The following WDR83 variants were observed in gnomAD, a reference collection of about 807,000 sequenced individuals.
WDR83 encodes the protein WD repeat domain-containing protein 83.
WDR83 carries 37 observed loss-of-function variants against 37.7 expected under a neutral mutation model. The observed-to-expected ratio is 0.98, with a 90% CI of 0.76 to 1.29. The LOEUF (loss-of-function observed/expected upper bound fraction) is 1.29, where lower values mean the gene tolerates loss of function less well. Ranked by LOEUF, WDR83 falls within the 50% of genes most tolerant of loss-of-function variation. The pLI is 0.00. For missense variants in WDR83, 445 were observed against 414.4 expected (o/e 1.07, Z -0.64); for synonymous variants, 174 against 181.1 (o/e 0.96, Z 0.31).
chr19:12,669,293 T>C (rs2024340389), intron 2 of WDR83: 15 of 1,606,738 alleles, frequency 9.3e-6, no homozygotes, highest in Non-Finnish European at 1.1e-5. Context: ...GACAGGCGCT[T>C]CCCAGGGCCC....
intron 7 of WDR83, among the ~76,000 whole-genome samples, chr19:12,671,702 AT>A (rs934443226): frequency 6.6e-6 from 1 of 152,090 alleles, no homozygotes; most frequent in East Asian, 1.9e-4. Context: ...ATAAGGAAGA[AT>A]TTTTGTTTTT....
chr19:12,673,684 A>G (rs911909897), intron 10 of WDR83, among the ~76,000 whole-genome samples: 1 of 150,966 alleles, frequency 6.6e-6, no homozygotes. Flanking sequence ...CCCAAGTGCT[A>G]GGATTACAGG....
chr19:12,673,699 A>G (rs1013979085), intron 10 of WDR83, among the ~76,000 whole-genome samples: 1 of 150,602 alleles, frequency 6.6e-6, no homozygotes, highest in Non-Finnish European at 1.5e-5. Flanking sequence ...TACAGGCGTA[A>G]GCCACCACAC....
In WDR83 at chr19:12,673,242, T is replaced by C; in HGVS notation, c.724T>C (p.Cys242Arg). The C allele has an allele frequency of 6.2e-7, 1 of 1,614,030 alleles. No individual in the cohort carries two copies. The highest frequency in any genetic ancestry group is 8.5e-7 in the Non-Finnish European group (1 of 1,180,000). ...GAACCAGGAATACAAGCTGGACTGC[T>C]GCCTGAGCGAGCGTGACACACATGT... is the stretch of plus-strand genomic sequence containing the variant. ...HKNQEYKLDC[C>R]LSERDTHVVS... is the part of the protein sequence containing the mutation. The change falls in exon 10 of 11, where the codon TGC becomes CGC. Residue 242 changes from cysteine to arginine, a missense_variant. Transcript: ENST00000418543.
chr19:12,669,516 C>G lies in WDR83; in HGVS notation c.-36-239C>G, dbSNP rs961529419. 6 of 1,326,656 alleles carry G rather than the reference C, an allele frequency of 4.5e-6. No homozygotes were observed. The African/African-American group carries it at 5.8e-5, about 13-fold the overall frequency. The allele number at this position is 1,326,656 out of a possible 1,614,324, so 82.2% of individuals were successfully genotyped here. A position where few individuals can be genotyped will look rare whatever the true frequency, so the allele number is the denominator to read the frequency against. ...CCGAGGCCCTCGCATTTCCGTTCCTCATGACAGAGGCTTGGACTCCCCTTA... is the reference window on the plus strand; with the variant it reads ...CCGAGGCCCTCGCATTTCCGTTCCTGATGACAGAGGCTTGGACTCCCCTTA... On this transcript the variant is annotated intron_variant, in intron 2 of 10. Coordinates refer to ENST00000418543, the MANE Select transcript of WDR83 (RefSeq NM_001099737.3).
chr19:12,670,159 C>G (rs1451149239), intron 4 of WDR83, 21 bp from the exon 5 acceptor site: 3 of 1,610,204 alleles, frequency 1.9e-6, no homozygotes. Context: ...CGATGCTGAT[C>G]CTCCTCCTCC....
rs1466735307 is a variant in WDR83 at position 12,669,822 on chromosome 19, C to T, written c.32C>T (p.Pro11Leu). 1.9e-6 allele frequency: 3 copies of T among 1,611,566 alleles called. No homozygotes were observed. Among genetic ancestry groups the T allele is most frequent in the Admixed American group, 1.7e-5 (1 of 59,692 alleles). Residue 11 changes from proline (P) to leucine (L), a missense_variant, in exon 3 of 11, where the codon CCA becomes CTA. By Grantham distance (98) the Pro-to-Leu change is moderately conservative (BLOSUM62 -3). Transcript: ENST00000418543. The part of the protein sequence containing the change: MAFPEPKPRP[P>L]ELPQKRLKTL... ...TTCCCTGAGCCAAAGCCGCGGCCTC[C>T]AGAGCTGCCGCAGAAACGGTTGAAG...
rs910340929 is a variant in WDR83, at chr19:12,671,091, G to C, written c.506+270G>C. On this transcript the variant is annotated intron_variant, in intron 7 of 10. Coordinates refer to ENST00000418543, the MANE Select transcript of WDR83 (RefSeq NM_001099737.3). Reference sequence around the variant, plus strand: ...ACCTGTAATCCCAGCACTTTGGGAGGCCAAGGTGGGCAGATCACTTGAGGT... The same window carrying C: ...ACCTGTAATCCCAGCACTTTGGGAGCCCAAGGTGGGCAGATCACTTGAGGT... 8.3e-6 allele frequency: 3 copies of C among 362,856 alleles called. No individual in the cohort carries two copies. The East Asian group carries it at 2.0e-4, about 24-fold the overall frequency. The allele number at this position is 362,856 out of a possible 1,614,324, so 22.5% of individuals were successfully genotyped here.
intron 5 of WDR83, 91 bp from the exon 6 acceptor site, chr19:12,670,472 C>T (rs963230734): frequency 2.7e-5 from 43 of 1,596,664 alleles, no homozygotes; most frequent in Non-Finnish European, 3.5e-5. Context: ...TTCACCTCCC[C>T]TTCGCCCTTG....
rs1341919648 is a variant in WDR83, at chr19:12,670,757, A to G, written c.442A>G (p.Thr148Ala). ...CTCACGGAGGCCTGAGCCAGTGCAG[A>G]CGCTGGATGAGGCCAGAGATGGCGT... ...CRSRRPEPVQTLDEARDGVSS... is the reference protein window; with the variant it reads ...CRSRRPEPVQALDEARDGVSS... The change falls in exon 7 of 11, where the codon ACG becomes GCG. Residue 148 changes from threonine to alanine, a missense_variant. Thr to Ala is a moderately conservative substitution (Grantham distance 58). Transcript: ENST00000418543. The G allele has an allele frequency of 3.7e-6, 6 of 1,614,202 alleles. No individual in the cohort carries two copies. The highest frequency in any genetic ancestry group is 5.1e-6 in the Non-Finnish European group (6 of 1,180,038).
intron 7 of WDR83, 28 bp from the exon 8 acceptor site, chr19:12,672,819 T>G (rs2024461228): frequency 1.3e-6 from 2 of 1,559,514 alleles, no homozygotes; most frequent in South Asian, 2.4e-5. Flanking sequence ...GTAGTCAAGG[T>G]TCCCGCTGGA....
chr19:12,675,685 C>CAGG lies in WDR83; in HGVS notation c.*14_*15insGGA. The CAGG allele has an allele frequency of 6.3e-7, 1 of 1,599,462 alleles. No individual in the cohort carries two copies. The highest frequency in any genetic ancestry group is 8.5e-7 in the Non-Finnish European group (1 of 1,178,772). ...TGGAGCAGGCTGAAGCCAGGGGACCCACCAACAGGACCAAGGACCGAGACA... is the reference window on the plus strand; with the variant it reads ...TGGAGCAGGCTGAAGCCAGGGGACCCAGGACCAACAGGACCAAGGACCGAGACA... On this transcript the variant is annotated 3_prime_UTR_variant, in exon 11 of 11. Transcript: ENST00000418543.
rs770344659 is a variant in WDR83, at chr19:12,668,478, C to A, written c.-156-30C>A. The A allele has an allele frequency of 6.2e-6, 10 of 1,613,276 alleles. No individual in the cohort carries two copies. In the South Asian group the frequency reaches 7.7e-5, roughly 12 times the overall value. ...GGATGGCCAGGCTGGGGTCCCCCCACCCCTTACTCAAGAGTCACTTGTTCT... is the reference window on the plus strand; with the variant it reads ...GGATGGCCAGGCTGGGGTCCCCCCAACCCTTACTCAAGAGTCACTTGTTCT... On this transcript the variant is annotated intron_variant, in intron 1 of 10. Transcript: ENST00000418543.
chr19:12,669,273 C>A, intron 2 of WDR83: 1 of 1,610,974 alleles, frequency 6.2e-7, no homozygotes, highest in Non-Finnish European at 8.5e-7. Flanking sequence ...CAGGTCCTGC[C>A]CCCGGGATAG....
At chr19:12,668,022 C>T (rs747598534) in intron 1 of WDR83, 1 of 281,818 alleles carries the variant, frequency 3.5e-6, no homozygotes, top group Non-Finnish European at 7.0e-6. Flanking sequence ...GGGCTAGAGC[C>T]CTTCCCGCCA....
chr19:12,672,384 G>A (rs558207864), intron 7 of WDR83: 349 of 187,250 alleles, frequency 1.9e-3, no homozygotes, highest in African/African-American at 7.6e-3. Flanking sequence ...TGAGGTGGGC[G>A]GATCACCTGA....
intron 7 of WDR83, among the ~76,000 whole-genome samples, chr19:12,671,937 C>T (rs1250801428): frequency 6.6e-6 from 1 of 152,180 alleles, no homozygotes; most frequent in Non-Finnish European, 1.5e-5. Context: ...ACCTCGTGAT[C>T]CACCTGCCCT....
In WDR83 at chr19:12,667,630, G is replaced by C. The variant is rs1251553956; in HGVS notation, c.-157+638G>C. Among the ~76,000 whole-genome samples the C allele has an allele frequency of 3.9e-5, 6 of 152,158 alleles. No homozygotes were observed. In the East Asian group the frequency reaches 5.8e-4, roughly 15 times the overall value. ...ATCAAGATCATGCCATTGCCCTCCA[G>C]CCTGGGCAACAAGAGCAAAACTCTG... On this transcript the variant is annotated intron_variant, in intron 1 of 10. Transcript: ENST00000418543.
rs577645612 is a variant in WDR83 at position 12,669,577 on chromosome 19, T to G, written c.-36-178T>G. On this transcript the variant is annotated intron_variant, in intron 2 of 10. Transcript: ENST00000418543. ...GGAGATTTAGGAGAAGCCAGAAGTC[T>G]TCCTTTCAAAGGGAAAATGGGGAAA... The G allele has an allele frequency of 5.7e-4, 549 of 968,714 alleles. 1 individual carries two copies. The highest frequency in any genetic ancestry group is 9.8e-4 in the Middle Eastern group (3 of 3,072). 60.0% of individuals were successfully genotyped at this position (968,714 alleles called of 1,614,324 possible).
Sources: allele counts gnomAD v4.1 joint callset (sites outside exome capture counted in the v4.1 genomes callset), GRCh38; gene constraint gnomAD v4.1.1; transcripts MANE v1.5; gene names NCBI Gene and HGNC (gene_info 2026-07-23, HGNC 2026-07-21).